Variants in DGKI observed in about 807,000 individuals in gnomAD.
DGKI encodes the protein DAG kinase iota.
In DGKI, 55 loss-of-function variants were observed where a neutral mutation model predicts 147.5. The observed-to-expected ratio is 0.37, with a 90% confidence interval of 0.30 to 0.47. The LOEUF is 0.47. Ranked by LOEUF, DGKI falls within the 20% of genes least tolerant of loss-of-function variation. The pLI, the probability that DGKI is intolerant of heterozygous loss-of-function variation, is 1.00. For missense variants in DGKI, 1,007 were observed against 1,323.8 expected (o/e 0.76, Z 3.71); for synonymous variants, 469 against 477.1 (o/e 0.98, Z 0.22).
intron 1 of DGKI, among the ~76,000 whole-genome samples, chr7:137,811,772 C>T (rs1797592357): frequency 6.6e-6 from 1 of 152,150 alleles, no homozygotes; most frequent in Admixed American, 6.5e-5. Context: ...ATTGCCCATC[C>T]TTTATCATCT....
At chr7:137,759,052 C>T (rs928957340) in intron 1 of DGKI, among the ~76,000 whole-genome samples, 12 of 152,082 alleles carry the variant, frequency 7.9e-5, no homozygotes, top group Admixed American at 7.9e-4. Flanking sequence ...TTCAAGTATA[C>T]TCATTACCCA....
At chr7:137,621,266 C>CT (rs889986935) in intron 7 of DGKI, among the ~76,000 whole-genome samples, 4 of 151,958 alleles carry the variant, frequency 2.6e-5, no homozygotes, top group African/African-American at 9.7e-5. Context: ...TTAAAAATTG[C>CT]TTTTTTTTCT....
chr7:137,683,625 T>A (rs1823315801), intron 2 of DGKI, among the ~76,000 whole-genome samples: 1 of 152,194 alleles, frequency 6.6e-6, no homozygotes, highest in South Asian at 2.1e-4. Context: ...CCTGGAAACA[T>A]CTTTCTCTCT....
At chr7:137,510,040 G>A (rs1055504904) in intron 21 of DGKI, among the ~76,000 whole-genome samples, 7 of 152,304 alleles carry the variant, frequency 4.6e-5, no homozygotes, top group Middle Eastern at 6.8e-3. Flanking sequence ...GATGCTGTTC[G>A]TAATGGCCTT....
chr7:137,658,201 A>G (rs1822292340), intron 3 of DGKI, among the ~76,000 whole-genome samples: 1 of 152,234 alleles, frequency 6.6e-6, no homozygotes, highest in Non-Finnish European at 1.5e-5. Flanking sequence ...GGGAGGAACA[A>G]GAAAACATAC....
At chr7:137,845,399 G>T (rs1798681922) in intron 1 of DGKI, among the ~76,000 whole-genome samples, 1 of 152,138 alleles carries the variant, frequency 6.6e-6, no homozygotes, top group Non-Finnish European at 1.5e-5. Flanking sequence ...TACTTTATAT[G>T]GTTTTTGGGA....
chr7:137,646,350 G>T (rs1821823810), intron 5 of DGKI, among the ~76,000 whole-genome samples: 1 of 152,198 alleles, frequency 6.6e-6, no homozygotes, highest in African/African-American at 2.4e-5. Context: ...TATCAATGAT[G>T]TTTTTGCAAT....
intron 1 of DGKI, among the ~76,000 whole-genome samples, chr7:137,798,604 G>C (rs1797104967): frequency 6.6e-6 from 1 of 151,936 alleles, no homozygotes; most frequent in South Asian, 2.1e-4. Flanking sequence ...ATTTTTTGTA[G>C]AGAGGGTATT....
intron 27 of DGKI, among the ~76,000 whole-genome samples, chr7:137,450,519 C>T (rs141364146): frequency 0.031 from 4,724 of 152,018 alleles, 285 homozygotes; most frequent in African/African-American, 0.11. Context: ...AGGAGTTTGA[C>T]ACCAGCCTGG....
intron 1 of DGKI, among the ~76,000 whole-genome samples, chr7:137,836,240 G>A (rs1798377720): frequency 6.6e-6 from 1 of 152,080 alleles, no homozygotes; most frequent in South Asian, 2.1e-4. Flanking sequence ...TTGAAGTAGA[G>A]GTTTATTTTC....
chr7:137,415,616 GA>G (rs1225717090), intron 28 of DGKI, among the ~76,000 whole-genome samples: 1 of 152,196 alleles, frequency 6.6e-6, no homozygotes, highest in African/African-American at 2.4e-5. Flanking sequence ...AGGAGAGAAA[GA>G]AGGTTAGGAA....
intron 20 of DGKI, among the ~76,000 whole-genome samples, chr7:137,532,718 C>T (rs574695769): frequency 2.0e-5 from 3 of 152,232 alleles, no homozygotes; most frequent in East Asian, 1.9e-4. Context: ...CTGACCCTCC[C>T]GCTTTCCCAA....
intron 1 of DGKI, among the ~76,000 whole-genome samples, chr7:137,830,747 G>A (rs528178721): frequency 3.9e-5 from 6 of 152,270 alleles, no homozygotes; most frequent in Admixed American, 2.0e-4. Context: ...GTATTATCCT[G>A]AATGTCCTCC....
chr7:137,618,151 A>ATTTTTTTTTTT (rs1156891729), intron 8 of DGKI, among the ~76,000 whole-genome samples: 1 of 10,458 alleles, frequency 9.6e-5, no homozygotes, highest in African/African-American at 1.2e-4. Context: ...ATATATATAT[A>ATTTTTTTTTTT]TTTTTTTTTT....
chr7:137,537,862 T>A (rs1585209697), intron 20 of DGKI, among the ~76,000 whole-genome samples: 1 of 152,322 alleles, frequency 6.6e-6, no homozygotes, highest in South Asian at 2.1e-4. Context: ...CACTTTGGTA[T>A]CATTTTTGTT....
At chr7:137,638,512 G>A (rs367668668) in intron 6 of DGKI, among the ~76,000 whole-genome samples, 15 of 103,214 alleles carry the variant, frequency 1.5e-4, no homozygotes, top group African/African-American at 6.0e-4. Flanking sequence ...GTATATATAT[G>A]TGTGTATATA....
chr7:137,619,913 G>T lies in DGKI; in HGVS notation c.904C>A (p.Leu302Met), dbSNP rs1199657975. The T allele has an allele frequency of 6.2e-7, 1 of 1,613,830 alleles. No individual in the cohort carries two copies. The highest frequency in any genetic ancestry group is 1.7e-5 in the Admixed American group (1 of 59,996). ...GAGCAGGGTTCTTCAATGTGATGCA[G>T]CATGAAGCAGGTCACCTTATTGTGA... Reference protein sequence around the residue: ...AFHNKVTCFMLHHIEEPCSLG... With the variant: ...AFHNKVTCFMMHHIEEPCSLG... The change falls in exon 8 of 33, where the codon CTG becomes ATG. Residue 302 changes from leucine (L) to methionine (M), a missense_variant. Coordinates refer to ENST00000614521, the MANE Select transcript of DGKI (RefSeq NM_001321708.2).
intron 1 of DGKI, among the ~76,000 whole-genome samples, chr7:137,806,486 T>C (rs866002386): frequency 6.6e-6 from 1 of 152,100 alleles, no homozygotes; most frequent in Admixed American, 6.5e-5. Context: ...CAGGCTGAAG[T>C]GCAGTGGTGC....
rs78350328 is a variant in DGKI at position 137,846,271 on chromosome 7, G to A, written c.401+191C>T. On this transcript the variant is annotated intron_variant, in intron 1 of 32. Coordinates refer to ENST00000614521, the MANE Select transcript of DGKI (RefSeq NM_001321708.2). This position sits in a 1 kb window ranked among gnomAD's most constrained non-coding sequence, Gnocchi z 4.0. Reference sequence around the variant, plus strand: ...TCTCCTGCCACAGGGGAAAGCAGGCGTTGCTGCCCTCCAGCCTGGAATGAT... The same window carrying A: ...TCTCCTGCCACAGGGGAAAGCAGGCATTGCTGCCCTCCAGCCTGGAATGAT... 3.1e-4 allele frequency among the ~76,000 whole-genome samples: 47 copies of A among 151,832 alleles called. 1 individual carries two copies. The East Asian group carries it at 8.6e-3, about 28-fold the overall frequency.
Sources: gnomAD v4.1 joint callset for allele counts (sites outside exome capture counted in the v4.1 genomes callset) on GRCh38, gnomAD v4.1.1 for gene constraint, Gnocchi (gnomAD v3.1) non-coding constraint, MANE v1.5 for transcripts, NCBI Gene and HGNC (gene_info 2026-07-23, HGNC 2026-07-21) for gene names.